Variants in TMEM135 observed in about 807,000 individuals in gnomAD.
The protein encoded by TMEM135 is transmembrane protein 135, also known as peroxisomal membrane protein 52.
TMEM135 carries 30 observed loss-of-function variants against 60.3 expected under a neutral mutation model. The observed-to-expected ratio is 0.50, with a 90% CI of 0.37 to 0.68. TMEM135 has a LOEUF of 0.68. Ranked by LOEUF, TMEM135 falls within the 30% of genes least tolerant of loss-of-function variation. The pLI, the probability that TMEM135 is intolerant of heterozygous loss-of-function variation, is 0.00. For synonymous variants in TMEM135, 190 were observed against 186.7 expected, an observed-to-expected ratio of 1.02 and a Z score of -0.14; for missense variants, 468 against 548.8, an observed-to-expected ratio of 0.85 and a Z score of 1.47.
At chr11:87,173,564 A>G (rs1028701944) in intron 5 of TMEM135, among the ~76,000 whole-genome samples, 4 of 152,194 alleles carry the variant, frequency 2.6e-5, no homozygotes, top group Admixed American at 1.3e-4. Flanking sequence ...AATAAATTAG[A>G]TAATGTCTGT....
chr11:87,091,545 C>A, intron 4 of TMEM135, 150 bp downstream of exon 4: 1 of 755,682 alleles, frequency 1.3e-6, no homozygotes, highest in Non-Finnish European at 2.2e-6. Context: ...TTCAAAAAAG[C>A]CTTGATACCA....
At position 87,286,323 on chromosome 11, in the gene TMEM135, A is replaced by AGATACAGAGT. The variant is rs1353771556; in HGVS notation, c.510-9458_510-9457insATACAGAGTG. On this transcript the variant is annotated intron_variant, in intron 6 of 14. Coordinates refer to ENST00000305494, the MANE Select transcript of TMEM135 (RefSeq NM_022918.4). ...TCTCCAAGTCCCCACCAGATTAGCT[A>AGATACAGAGT]GCTACAGAGTGCTGATTGGTGCATC... Among the ~76,000 whole-genome samples, 1,227 of 149,174 alleles carry AGATACAGAGT rather than the reference A, an allele frequency of 8.2e-3. 27 individuals are homozygous for AGATACAGAGT. The highest frequency in any genetic ancestry group is 0.029 in the African/African-American group (1,139 of 38,796).
At chr11:87,109,422 T>C (rs1185090355) in intron 4 of TMEM135, among the ~76,000 whole-genome samples, 1 of 152,204 alleles carries the variant, frequency 6.6e-6, no homozygotes, top group Non-Finnish European at 1.5e-5. Context: ...TAATAAAAGT[T>C]ATGTGAATGT....
chr11:87,153,564 T>G (rs1938613951), intron 4 of TMEM135, among the ~76,000 whole-genome samples: 1 of 152,226 alleles, frequency 6.6e-6, no homozygotes, highest in Non-Finnish European at 1.5e-5. Flanking sequence ...ATTTACTCTA[T>G]TTAAAATATC....
intron 2 of TMEM135, among the ~76,000 whole-genome samples, chr11:87,069,284 CAAAAAAA>C (rs778885228): frequency 1.1e-4 from 7 of 62,550 alleles, no homozygotes; most frequent in African/African-American, 1.2e-4. Context: ...GACTCCGTCT[CAAAAAAA>C]AAAAAAAAAA....
chr11:87,181,016 C>T (rs537620786), intron 5 of TMEM135, among the ~76,000 whole-genome samples: 4 of 152,230 alleles, frequency 2.6e-5, no homozygotes, highest in African/African-American at 9.6e-5. Context: ...GGAATTATGA[C>T]AAAGTTCTTA....
chr11:87,254,738 G>A (rs1031287824), intron 6 of TMEM135, among the ~76,000 whole-genome samples: 1 of 152,176 alleles, frequency 6.6e-6, no homozygotes, highest in African/African-American at 2.4e-5. Flanking sequence ...TTATCCAGAT[G>A]TGAGCTACTC....
chr11:87,212,385 T>C (rs544065183), intron 5 of TMEM135, among the ~76,000 whole-genome samples: 2 of 152,276 alleles, frequency 1.3e-5, no homozygotes, highest in South Asian at 4.1e-4. Context: ...AAAACTTGGA[T>C]GAAATACAGT....
chr11:87,062,250 C>T (rs1047837564), intron 1 of TMEM135, among the ~76,000 whole-genome samples: 1 of 151,414 alleles, frequency 6.6e-6, no homozygotes, highest in Admixed American at 6.6e-5. Flanking sequence ...GTGATCCGCC[C>T]ACCTCGGCCT....
rs146248844 is a variant in TMEM135 at position 87,282,506 on chromosome 11, T to G, written c.510-13276T>G. ...TCTCGAACTCCTGACTCTCAGGTGA[T>G]CCACTCGCCTCGACCTCCCAAAGTG... is the stretch of plus-strand genomic sequence containing the variant. On this transcript the variant is annotated intron_variant, in intron 6 of 14. Coordinates refer to ENST00000305494, the MANE Select transcript of TMEM135 (RefSeq NM_022918.4). Among the ~76,000 whole-genome samples, 575 of 152,304 alleles carry G rather than the reference T, an allele frequency of 3.8e-3. 4 individuals are homozygous for G. The highest frequency in any genetic ancestry group is 0.013 in the African/African-American group (534 of 41,552).
intron 6 of TMEM135, among the ~76,000 whole-genome samples, chr11:87,269,133 C>CT (rs78564122): frequency 0.35 from 52,799 of 149,630 alleles, 9,882 homozygotes; most frequent in Non-Finnish European, 0.42. Flanking sequence ...TTTCCTAATT[C>CT]TTTTTTTATT....
chr11:87,106,109 C>CTTT, intron 4 of TMEM135, among the ~76,000 whole-genome samples: 1 of 146,144 alleles, frequency 6.8e-6, no homozygotes. Flanking sequence ...GTATTTCTTT[C>CTTT]TTTTTTTTTT....
intron 5 of TMEM135, among the ~76,000 whole-genome samples, chr11:87,182,042 G>T (rs1939529436): frequency 6.6e-6 from 1 of 151,014 alleles, no homozygotes; most frequent in Non-Finnish European, 1.5e-5. Flanking sequence ...GTAAGAAAAA[G>T]AACTTGAAAA....
intron 6 of TMEM135, among the ~76,000 whole-genome samples, chr11:87,266,419 A>G (rs1941747932): frequency 6.6e-6 from 1 of 152,186 alleles, no homozygotes; most frequent in South Asian, 2.1e-4. Flanking sequence ...GTTTGTTTGA[A>G]TATATATGTA....
At chr11:87,223,092 G>A (rs1382326696) in intron 5 of TMEM135, among the ~76,000 whole-genome samples, 2 of 151,568 alleles carry the variant, frequency 1.3e-5, no homozygotes, top group African/African-American at 2.4e-5. Context: ...AAAAAATCTT[G>A]TGTGTAGATT....
chr11:87,248,225 GATTGCTGTTTCAT>G (rs1280666211), intron 6 of TMEM135, among the ~76,000 whole-genome samples: 1 of 152,166 alleles, frequency 6.6e-6, no homozygotes, highest in Non-Finnish European at 1.5e-5. Flanking sequence ...CTAGCAGTGA[GATTGCTGTTTCAT>G]ATTGTAGTTC....
chr11:87,146,515 G>T (rs1201872115), intron 4 of TMEM135, among the ~76,000 whole-genome samples: 1 of 152,088 alleles, frequency 6.6e-6, no homozygotes, highest in African/African-American at 2.4e-5. Flanking sequence ...TAGCTGGGAG[G>T]CTACTTCCGT....
At chr11:87,300,809 T>A (rs1423184103) in intron 7 of TMEM135, among the ~76,000 whole-genome samples, 6 of 152,350 alleles carry the variant, frequency 3.9e-5, no homozygotes, top group African/African-American at 1.4e-4. Flanking sequence ...ATTACTGTAC[T>A]GGCAGTTCAT....
At chr11:87,180,105 G>A (rs1939477287) in intron 5 of TMEM135, among the ~76,000 whole-genome samples, 1 of 152,144 alleles carries the variant, frequency 6.6e-6, no homozygotes. Context: ...GTGCGAAGGA[G>A]TCTGTGTGGA....
Sources: gnomAD v4.1 joint callset for allele counts (sites outside exome capture counted in the v4.1 genomes callset) on GRCh38, gnomAD v4.1.1 for gene constraint, MANE v1.5 for transcripts, NCBI Gene and HGNC (gene_info 2026-07-23, HGNC 2026-07-21) for gene names.